The following MED12L variants were observed in gnomAD, a reference collection of about 807,000 sequenced individuals.
MED12L encodes mediator of RNA polymerase II transcription subunit 12-like protein.
In MED12L, 60 loss-of-function variants were observed where a neutral mutation model predicts 281.3. That is an observed-to-expected ratio of 0.21 (90% CI 0.17 to 0.26). The LOEUF (loss-of-function observed/expected upper bound fraction) is 0.26. Among genes scored for constraint, MED12L ranks in the 10% least tolerant of loss-of-function variants. The pLI is 1.00. For synonymous variants in MED12L, 974 were observed against 987.2 expected, an observed-to-expected ratio of 0.99 and a Z score of 0.25; for missense variants, 2,146 against 2,680.9, an observed-to-expected ratio of 0.80 and a Z score of 4.41.
At chr3:151,294,400 CCTGT>C (rs752278985) in intron 16 of MED12L, 40 of 1,613,952 alleles carry the variant, frequency 2.5e-5, no homozygotes, top group Middle Eastern at 1.6e-4. Flanking sequence ...CATCTAAAAG[CCTGT>C]CTAAGTGACT....
At chr3:151,295,438 T>A (rs1744954883) in intron 16 of MED12L, among the ~76,000 whole-genome samples, 1 of 152,178 alleles carries the variant, frequency 6.6e-6, no homozygotes, top group Non-Finnish European at 1.5e-5. Context: ...GAGTAAAAAG[T>A]CCCATTTCTG....
chr3:151,254,255 G>A (rs575659559), intron 16 of MED12L, among the ~76,000 whole-genome samples: 1 of 152,214 alleles, frequency 6.6e-6, no homozygotes, highest in African/African-American at 2.4e-5. Context: ...TTAGCTCACT[G>A]TGCACGTTTC....
At chr3:151,374,838 T>C (rs1756631535) in intron 27 of MED12L, among the ~76,000 whole-genome samples, 1 of 152,196 alleles carries the variant, frequency 6.6e-6, no homozygotes, top group African/African-American at 2.4e-5. Flanking sequence ...TACTCAGAGA[T>C]GTGTCTCCCT....
chr3:151,248,121 C>A (rs1470708359), intron 16 of MED12L, among the ~76,000 whole-genome samples: 1 of 151,716 alleles, frequency 6.6e-6, no homozygotes, highest in Non-Finnish European at 1.5e-5. Flanking sequence ...TTGCCATCCA[C>A]AAGTTAAAAC....
At chr3:151,335,668 C>A (rs1750884099) in intron 16 of MED12L, among the ~76,000 whole-genome samples, 1 of 152,120 alleles carries the variant, frequency 6.6e-6, no homozygotes, top group African/African-American at 2.4e-5. Context: ...ATGCCAAAAG[C>A]TAGAGATAAT....
chr3:151,336,192 G>C (rs915453307), intron 16 of MED12L, among the ~76,000 whole-genome samples: 3 of 152,198 alleles, frequency 2.0e-5, no homozygotes, highest in Non-Finnish European at 2.9e-5. Context: ...TTATGCATAT[G>C]ATTTTAGAGT....
At position 151,311,766 on chromosome 3, in the gene MED12L, C is replaced by T. The variant is rs995290337; in HGVS notation, c.2251-38293C>T. 3.1e-4 allele frequency among the ~76,000 whole-genome samples: 47 copies of T among 152,210 alleles called. 1 individual carries two copies. The highest frequency in any genetic ancestry group is 9.1e-4 in the African/African-American group (38 of 41,532). On this transcript the variant is annotated intron_variant, in intron 16 of 44. Transcript: ENST00000687756. The stretch of plus-strand genomic sequence containing the variant: ...TTTAGGCCAGGCGTGGTGGCTCATG[C>T]CTGTAATCCCAGCACTTTGGGAGGC...
At chr3:151,352,922 TAAGA>T (rs1753418526) in intron 17 of MED12L, among the ~76,000 whole-genome samples, 2 of 152,084 alleles carry the variant, frequency 1.3e-5, no homozygotes, top group South Asian at 2.1e-4. Context: ...CAAATTAACA[TAAGA>T]AAGATGAGGA....
chr3:151,287,854 A>G (rs1438112708), intron 16 of MED12L, among the ~76,000 whole-genome samples: 1 of 152,238 alleles, frequency 6.6e-6, no homozygotes, highest in Non-Finnish European at 1.5e-5. Flanking sequence ...TAGCATTTGT[A>G]CAAAACTTCA....
chr3:151,373,058 A>G (rs1756386375), intron 27 of MED12L, among the ~76,000 whole-genome samples: 2 of 152,170 alleles, frequency 1.3e-5, no homozygotes, highest in South Asian at 2.1e-4. Flanking sequence ...AGTAGATTGT[A>G]TATTTTATTC....
chr3:151,168,578 A>G (rs1047576419), intron 11 of MED12L, among the ~76,000 whole-genome samples: 2 of 152,164 alleles, frequency 1.3e-5, no homozygotes. Context: ...TTGAATGTTG[A>G]CTCAACTTCA....
intron 16 of MED12L, among the ~76,000 whole-genome samples, chr3:151,226,365 G>A (rs530002737): frequency 2.0e-5 from 3 of 152,324 alleles, no homozygotes; most frequent in African/African-American, 7.2e-5. Flanking sequence ...GTAACATGAT[G>A]GAATCTTGCC....
At chr3:151,377,375 T>G (rs1382308271) in intron 30 of MED12L, among the ~76,000 whole-genome samples, 197 bp downstream of exon 30, 1 of 152,192 alleles carries the variant, frequency 6.6e-6, no homozygotes, top group Non-Finnish European at 1.5e-5. Flanking sequence ...TGAGTAGGCT[T>G]AAACACCTTG....
chr3:151,207,099 T>C (rs1362224097), intron 16 of MED12L, among the ~76,000 whole-genome samples: 10 of 149,996 alleles, frequency 6.7e-5, no homozygotes, highest in Non-Finnish European at 1.5e-5. Context: ...CAGGCTGGAG[T>C]GCAGTGGTTA....
intron 5 of MED12L, among the ~76,000 whole-genome samples, chr3:151,153,281 T>G (rs546199881): frequency 2.0e-5 from 3 of 152,204 alleles, no homozygotes; most frequent in Admixed American, 2.0e-4. Flanking sequence ...CTAGGTAGAG[T>G]ATGGTCCAAA....
rs563130542 is a variant in MED12L at position 151,351,187 on chromosome 3, C to T, written c.2398+981C>T. On this transcript the variant is annotated intron_variant, in intron 17 of 44. Transcript: ENST00000687756. Reference sequence around the variant, plus strand: ...GGATAAATTGCTAGAATTTGTCCACCCTAGATCTTTACTAGAGAAAAATAC... The same window carrying T: ...GGATAAATTGCTAGAATTTGTCCACTCTAGATCTTTACTAGAGAAAAATAC... Among the ~76,000 whole-genome samples the T allele has an allele frequency of 2.0e-5, 3 of 152,190 alleles. No individual in the cohort carries two copies. In the South Asian group the frequency reaches 6.2e-4, roughly 32 times the overall value.
chr3:151,272,619 C>G (rs1741153975), intron 16 of MED12L, among the ~76,000 whole-genome samples: 1 of 152,060 alleles, frequency 6.6e-6, no homozygotes, highest in African/African-American at 2.4e-5. Context: ...TGTCCTCTGC[C>G]CCAAGTATAA....
intron 16 of MED12L, among the ~76,000 whole-genome samples, chr3:151,252,363 C>G: frequency 6.6e-6 from 1 of 152,052 alleles, no homozygotes; most frequent in South Asian, 2.1e-4. Context: ...TCATGGTCAT[C>G]GCTAAGATCT....
chr3:151,321,501 A>G (rs1267901399), intron 16 of MED12L, among the ~76,000 whole-genome samples: 1 of 152,210 alleles, frequency 6.6e-6, no homozygotes, highest in Non-Finnish European at 1.5e-5. Flanking sequence ...CAATACATAA[A>G]GCTAATATTT....
Sources: allele counts gnomAD v4.1 joint callset (sites outside exome capture counted in the v4.1 genomes callset), GRCh38; gene constraint gnomAD v4.1.1; transcripts MANE v1.5; gene names NCBI Gene and HGNC (gene_info 2026-07-23, HGNC 2026-07-21).